The following RAB3C variants were observed in gnomAD, a reference collection of about 807,000 sequenced individuals.
The protein encoded by RAB3C is ras-related protein Rab-3C.
In RAB3C, 17 loss-of-function variants were observed where a neutral mutation model predicts 26.4. That is an observed-to-expected ratio of 0.64 (90% confidence interval 0.44 to 0.97). The LOEUF (loss-of-function observed/expected upper bound fraction) is 0.97. Among genes scored for constraint, RAB3C ranks in the 50% least tolerant of loss-of-function variants. RAB3C has a pLI of 0.00. For synonymous variants in RAB3C, 91 were observed against 95.9 expected (o/e 0.95, Z 0.30); for missense variants, 242 against 281.9 (o/e 0.86, Z 1.01).
intron 2 of RAB3C, among the ~76,000 whole-genome samples, chr5:58,714,157 T>C (rs113314899): frequency 1.3e-5 from 2 of 152,086 alleles, no homozygotes; most frequent in Admixed American, 6.6e-5. Context: ...TCCTAGCCAA[T>C]AGGAAGACAT....
In RAB3C at chr5:58,686,394, T is replaced by C. The variant is rs552066258; in HGVS notation, c.253-39608T>C. On this transcript the variant is annotated intron_variant, in intron 2 of 4. Transcript: ENST00000282878. ...TTTATGAAGCTTTAGACTTAGGCCA[T>C]TGAAAATTTATGAGCTAAGTCCCTG... Among the ~76,000 whole-genome samples, 36 of 152,216 alleles carry C rather than the reference T, an allele frequency of 2.4e-4. 1 individual carries two copies. The South Asian group carries it at 7.5e-3, about 32-fold the overall frequency.
intron 4 of RAB3C, among the ~76,000 whole-genome samples, chr5:58,836,265 A>AATTAAT (rs3989121): frequency 0.6 from 90,746 of 150,674 alleles, 27,546 homozygotes; most frequent in Middle Eastern, 0.72. Flanking sequence ...AATTAAATTA[A>AATTAAT]TTTTTTTTAC....
At position 58,684,253 on chromosome 5, in the gene RAB3C, C is replaced by T. The variant is rs867942532; in HGVS notation, c.253-41749C>T. ...CAGGAGGATCTGCGTAAGTTATATGCGAATACTATGCCATTTTATACCAGG... is the reference window on the plus strand; with the variant it reads ...CAGGAGGATCTGCGTAAGTTATATGTGAATACTATGCCATTTTATACCAGG... On this transcript the variant is annotated intron_variant, in intron 2 of 4. Transcript: ENST00000282878. 3.9e-5 allele frequency among the ~76,000 whole-genome samples: 6 copies of T among 152,118 alleles called. No individual in the cohort carries two copies. In the South Asian group the frequency reaches 6.2e-4, roughly 16 times the overall value.
intron 2 of RAB3C, among the ~76,000 whole-genome samples, chr5:58,688,619 TAGG>T (rs1561289777): frequency 2.2e-4 from 33 of 152,148 alleles, no homozygotes; most frequent in African/African-American, 8.0e-4. Context: ...TCTCAGGCCA[TAGG>T]TTCTACAGAA....
intron 3 of RAB3C, among the ~76,000 whole-genome samples, chr5:58,743,365 C>T (rs550694870): frequency 6.6e-6 from 1 of 151,984 alleles, no homozygotes; most frequent in South Asian, 2.1e-4. Context: ...CAGTCACAAT[C>T]TCTGCCATTG....
In RAB3C at chr5:58,733,168, T is replaced by A. The variant is rs574811145; in HGVS notation, c.371+7048T>A. Among the ~76,000 whole-genome samples the A allele has an allele frequency of 2.9e-4, 44 of 152,328 alleles. No homozygotes were observed. The East Asian group carries it at 4.6e-3, about 16-fold the overall frequency. On this transcript the variant is annotated intron_variant, in intron 3 of 4. Coordinates refer to ENST00000282878, the MANE Select transcript of RAB3C (RefSeq NM_138453.4). ...TCTGTTTATCTTCCCCACTTTTACA[T>A]CCCAGTGCCTACTGTAGTGCCTGGC...
intron 2 of RAB3C, among the ~76,000 whole-genome samples, chr5:58,698,441 C>T (rs1385440198): frequency 1.3e-5 from 2 of 152,060 alleles, no homozygotes. Flanking sequence ...TTGTGGTGTT[C>T]ACTGTATTTC....
intron 4 of RAB3C, among the ~76,000 whole-genome samples, chr5:58,850,558 G>A (rs295667): frequency 0.58 from 88,453 of 152,050 alleles, 25,986 homozygotes; most frequent in Middle Eastern, 0.71. Context: ...TTAGGCAGCA[G>A]CAGGGCAGAC....
At chr5:58,826,182 A>G (rs1743471725) in intron 4 of RAB3C, among the ~76,000 whole-genome samples, 1 of 152,046 alleles carries the variant, frequency 6.6e-6, no homozygotes, top group Admixed American at 6.6e-5. Context: ...CCCCGGGGAG[A>G]TCAGGTGTGG....
intron 3 of RAB3C, among the ~76,000 whole-genome samples, chr5:58,790,169 T>A (rs768070834): frequency 1.3e-5 from 2 of 152,220 alleles, no homozygotes; most frequent in Non-Finnish European, 2.9e-5. Context: ...TTTACATCTT[T>A]TCACTTAAAC....
At chr5:58,844,239 T>G (rs1428672609) in intron 4 of RAB3C, among the ~76,000 whole-genome samples, 1 of 152,224 alleles carries the variant, frequency 6.6e-6, no homozygotes, top group East Asian at 1.9e-4. Context: ...TCTTCTTATA[T>G]TATGGACCAG....
intron 2 of RAB3C, among the ~76,000 whole-genome samples, chr5:58,663,900 A>G (rs966326888): frequency 6.6e-6 from 1 of 152,220 alleles, no homozygotes; most frequent in African/African-American, 2.4e-5. Flanking sequence ...AAAACTAAGC[A>G]AGTGCATGTT....
At position 58,858,697 on chromosome 5, in the gene RAB3C, C is replaced by T. The variant is rs540336789; in HGVS notation, c.*7346C>T. On this transcript the variant is annotated 3_prime_UTR_variant, in exon 5 of 5. Coordinates refer to ENST00000282878, the MANE Select transcript of RAB3C (RefSeq NM_138453.4). ...TTGAATGGAAGAGAGACAAAGCTAT[C>T]AGCTATAGATCATTGTTTTCTTAAG... 2.0e-5 allele frequency: 3 copies of T among 152,260 alleles called. No individual in the cohort carries two copies. Among genetic ancestry groups the T allele is most frequent in the African/African-American group, 7.2e-5 (3 of 41,556 alleles). The allele number at this position is 152,260 out of a possible 1,614,324, so 9.4% of individuals were successfully genotyped here.
chr5:58,811,971 A>C (rs1301673018), intron 3 of RAB3C, among the ~76,000 whole-genome samples: 2 of 152,156 alleles, frequency 1.3e-5, no homozygotes, highest in Non-Finnish European at 2.9e-5. Flanking sequence ...ATGGAGGCTC[A>C]AGCTCACTTA....
intron 2 of RAB3C, 98 bp downstream of exon 2, chr5:58,617,968 T>C: frequency 5.7e-6 from 4 of 704,148 alleles, no homozygotes; most frequent in Non-Finnish European, 9.5e-6. Context: ...CCCCAGGGCA[T>C]CCACAAGCCT....
At chr5:58,687,061 A>G (rs1454952946) in intron 2 of RAB3C, among the ~76,000 whole-genome samples, 3 of 152,066 alleles carry the variant, frequency 2.0e-5, no homozygotes, top group Admixed American at 6.6e-5. Context: ...AACTCCAACC[A>G]CCCAGCTCCC....
intron 3 of RAB3C, among the ~76,000 whole-genome samples, chr5:58,774,435 C>G (rs1430790307): frequency 1.3e-5 from 2 of 152,178 alleles, no homozygotes; most frequent in African/African-American, 4.8e-5. Flanking sequence ...GTCTCTGTCT[C>G]TGTCTCCTAC....
At chr5:58,664,439 C>A (rs1447182018) in intron 2 of RAB3C, among the ~76,000 whole-genome samples, 1 of 151,998 alleles carries the variant, frequency 6.6e-6, no homozygotes, top group African/African-American at 2.4e-5. Context: ...AAATGGCGAA[C>A]CATTTCAGAA....
intron 2 of RAB3C, among the ~76,000 whole-genome samples, chr5:58,682,928 A>G (rs961130427): frequency 6.6e-6 from 1 of 152,174 alleles, no homozygotes; most frequent in African/African-American, 2.4e-5. Context: ...TGTATTATCA[A>G]CTAGTACTTT....
Sources: allele counts gnomAD v4.1 joint callset (sites outside exome capture counted in the v4.1 genomes callset), GRCh38; gene constraint gnomAD v4.1.1; transcripts MANE v1.5; gene names NCBI Gene and HGNC (gene_info 2026-07-23, HGNC 2026-07-21).